The following IMMP2L variants were observed in gnomAD, a reference collection of about 807,000 sequenced individuals.
IMMP2L encodes inner mitochondrial membrane peptidase subunit 2.
IMMP2L carries 18 observed loss-of-function variants against 19.3 expected under a neutral mutation model. The ratio of observed to expected loss-of-function variants is 0.93; its 90% confidence interval spans 0.64 to 1.38. The LOEUF is 1.38. Among genes scored for constraint, IMMP2L ranks in the 40% most tolerant of loss-of-function variants. The pLI is 0.00. For synonymous variants in IMMP2L, 76 were observed against 73.0 expected (o/e 1.04, Z -0.21); for missense variants, 233 against 218.2 (o/e 1.07, Z -0.43).
chr7:111,156,523 A>G (rs1804663074), intron 3 of IMMP2L, among the ~76,000 whole-genome samples: 1 of 152,066 alleles, frequency 6.6e-6, no homozygotes, highest in Non-Finnish European at 1.5e-5. Flanking sequence ...TGAATATTTA[A>G]TTGGGATTAC....
intron 4 of IMMP2L, among the ~76,000 whole-genome samples, chr7:110,940,871 A>G (rs993866967): frequency 6.6e-6 from 1 of 152,182 alleles, no homozygotes; most frequent in South Asian, 2.1e-4. Flanking sequence ...AAGAACTTGC[A>G]AAGTCTTTAT....
At chr7:111,131,479 A>G (rs777782489) in intron 3 of IMMP2L, among the ~76,000 whole-genome samples, 9 of 152,040 alleles carry the variant, frequency 5.9e-5, no homozygotes, top group Non-Finnish European at 1.2e-4. Flanking sequence ...AAGGAAGAAA[A>G]GAAGGAAACA....
At chr7:111,537,913 C>G (rs1410423772) in intron 1 of IMMP2L, among the ~76,000 whole-genome samples, 1 of 151,938 alleles carries the variant, frequency 6.6e-6, no homozygotes, top group Non-Finnish European at 1.5e-5. Flanking sequence ...TTTTACTTGT[C>G]TCTGGGCCCT....
At chr7:111,322,488 G>A (rs1824832936) in intron 3 of IMMP2L, among the ~76,000 whole-genome samples, 1 of 151,604 alleles carries the variant, frequency 6.6e-6, no homozygotes, top group Admixed American at 6.6e-5. Flanking sequence ...AGAAGGAACA[G>A]CATAAGAATT....
At chr7:110,937,425 G>C (rs1393804001) in intron 4 of IMMP2L, among the ~76,000 whole-genome samples, 1 of 152,126 alleles carries the variant, frequency 6.6e-6, no homozygotes, top group Non-Finnish European at 1.5e-5. Flanking sequence ...TACAGAGTAA[G>C]TGACTCCAGT....
chr7:110,733,871 C>T (rs1420117024), intron 5 of IMMP2L, among the ~76,000 whole-genome samples: 1 of 152,102 alleles, frequency 6.6e-6, no homozygotes, highest in Non-Finnish European at 1.5e-5. Flanking sequence ...CAGGTACCAT[C>T]TATGAAGCAG....
At chr7:110,750,628 AC>A (rs1280513476) in intron 5 of IMMP2L, among the ~76,000 whole-genome samples, 1 of 152,110 alleles carries the variant, frequency 6.6e-6, no homozygotes, top group East Asian at 1.9e-4. Flanking sequence ...AATAAGAAAA[AC>A]TTACAACAAT....
At position 110,924,841 on chromosome 7, in the gene IMMP2L, T is replaced by C. The variant is rs903435462; in HGVS notation, c.306-38146A>G. ...TAAACAATTTGAAAAAATGTTCTGG[T>C]TCATGCCTCTGCCACTACACTGCCT... On this transcript the variant is annotated intron_variant, in intron 4 of 5. Transcript: ENST00000405709. The surrounding 1 kb of genome is among the most constrained non-coding windows in gnomAD (Gnocchi z 4.2). Among the ~76,000 whole-genome samples the C allele has an allele frequency of 4.1e-4, 62 of 152,162 alleles. No individual in the cohort carries two copies. Among genetic ancestry groups the C allele is most frequent in the Non-Finnish European group, 7.8e-4 (53 of 68,028 alleles).
intron 3 of IMMP2L, among the ~76,000 whole-genome samples, chr7:110,974,009 G>A (rs1820433441): frequency 6.6e-6 from 1 of 152,108 alleles, no homozygotes; most frequent in Admixed American, 6.6e-5. Context: ...TCCCACAGCT[G>A]AAGCTTAATA....
chr7:111,215,410 A>G (rs963320050), intron 3 of IMMP2L, among the ~76,000 whole-genome samples: 1 of 152,186 alleles, frequency 6.6e-6, no homozygotes, highest in Non-Finnish European at 1.5e-5. Flanking sequence ...CAGCTAGCAA[A>G]TAAGTAACAA....
At chr7:111,107,084 T>C (rs1798630205) in intron 3 of IMMP2L, among the ~76,000 whole-genome samples, 1 of 151,984 alleles carries the variant, frequency 6.6e-6, no homozygotes, top group Non-Finnish European at 1.5e-5. Context: ...GATTTGCAGA[T>C]GCTCATGAAT....
chr7:110,893,113 C>G (rs952830203), intron 4 of IMMP2L, among the ~76,000 whole-genome samples: 4 of 152,022 alleles, frequency 2.6e-5, no homozygotes, highest in African/African-American at 9.7e-5. Context: ...TTTCCTAGTG[C>G]TTACAAAAAT....
In IMMP2L at chr7:111,510,718, A is replaced by T. The variant is rs150375392; in HGVS notation, c.135+10595T>A. On this transcript the variant is annotated intron_variant, in intron 2 of 5. Transcript: ENST00000405709. ...AATTATTCAAACTAGCCAGTCCTAA[A>T]CTGTTCATTCTGCCCTGCCTTGCCT... Among the ~76,000 whole-genome samples the T allele has an allele frequency of 5.0e-3, 765 of 152,182 alleles. 6 individuals carry two copies. Among genetic ancestry groups the T allele is most frequent in the Middle Eastern group, 0.024 (7 of 294 alleles).
intron 3 of IMMP2L, among the ~76,000 whole-genome samples, chr7:111,164,281 G>A (rs76910825): frequency 0.041 from 6,182 of 152,132 alleles, 182 homozygotes; most frequent in South Asian, 0.079. Context: ...ACCTATTGCA[G>A]GGAGTGCTGA....
chr7:110,888,402 C>T (rs754358490), intron 4 of IMMP2L, among the ~76,000 whole-genome samples: 8 of 152,138 alleles, frequency 5.3e-5, no homozygotes, highest in Admixed American at 3.9e-4. Context: ...TCAGTCCAAA[C>T]GTTTGTTCAC....
intron 5 of IMMP2L, among the ~76,000 whole-genome samples, chr7:110,775,711 T>C (rs1799339218): frequency 6.6e-6 from 1 of 152,198 alleles, no homozygotes; most frequent in East Asian, 1.9e-4. Context: ...CTACATCTAA[T>C]GTTACTCTTC....
At chr7:110,938,442 G>A (rs1174926252) in intron 4 of IMMP2L, among the ~76,000 whole-genome samples, 1 of 152,176 alleles carries the variant, frequency 6.6e-6, no homozygotes, top group African/African-American at 2.4e-5. Context: ...TTCTGAGCTA[G>A]ACTGGACAGG....
At chr7:111,233,328 G>A (rs1430636061) in intron 3 of IMMP2L, among the ~76,000 whole-genome samples, 1 of 152,010 alleles carries the variant, frequency 6.6e-6, no homozygotes, top group African/African-American at 2.4e-5. Context: ...TTTTTAAAAT[G>A]TCACATTTCA....
At chr7:111,392,845 AGGAG>A (rs1371903629) in intron 3 of IMMP2L, 6 of 456,514 alleles carry the variant, frequency 1.3e-5, no homozygotes, top group Non-Finnish European at 2.6e-5. Context: ...GAGCCAGATG[AGGAG>A]GTAAATCTAG....
Sources: allele counts gnomAD v4.1 joint callset (sites outside exome capture counted in the v4.1 genomes callset), GRCh38; gene constraint gnomAD v4.1.1; non-coding constraint Gnocchi (gnomAD v3.1); transcripts MANE v1.5; gene names NCBI Gene and HGNC (gene_info 2026-07-23, HGNC 2026-07-21).